Variants in ELL observed in about 807,000 individuals in gnomAD.
The protein encoded by ELL is RNA polymerase II elongation factor ELL.
A neutral mutation model predicts 64.0 loss-of-function variants in ELL; 18 were observed. That is an observed-to-expected ratio of 0.28 (90% confidence interval 0.19 to 0.42). The LOEUF (loss-of-function observed/expected upper bound fraction) is 0.42, where lower values mean the gene tolerates loss of function less well. Ranked by LOEUF, ELL falls within the 10% of genes least tolerant of loss-of-function variation. The pLI, the probability that ELL is intolerant of heterozygous loss-of-function variation, is 1.00. For missense variants in ELL, 797 were observed against 870.4 expected (o/e 0.92, Z 1.06); for synonymous variants, 399 against 376.2 (o/e 1.06, Z -0.70).
intron 1 of ELL, among the ~76,000 whole-genome samples, chr19:18,507,926 T>G (rs1975920775): frequency 6.6e-6 from 1 of 152,114 alleles, no homozygotes; most frequent in African/African-American, 2.4e-5. Context: ...TGAGGCTGAC[T>G]CCATGCGGCA....
chr19:18,518,345 T>A (rs1226781650), intron 1 of ELL, among the ~76,000 whole-genome samples: 1 of 147,214 alleles, frequency 6.8e-6, no homozygotes, highest in South Asian at 2.2e-4. Flanking sequence ...ACAAAAAAAT[T>A]TAAAACTTAG....
chr19:18,518,047 C>T (rs1295265658), intron 1 of ELL, among the ~76,000 whole-genome samples: 2 of 151,518 alleles, frequency 1.3e-5, no homozygotes, highest in Non-Finnish European at 2.9e-5. Flanking sequence ...ATGGTAAAAC[C>T]CCGTCTCCAC....
chr19:18,500,900 T>G (rs966185254), intron 1 of ELL, among the ~76,000 whole-genome samples: 1 of 152,096 alleles, frequency 6.6e-6, no homozygotes, highest in African/African-American at 2.4e-5. Flanking sequence ...ACCAGCCAAT[T>G]TGCACACAGA....
intron 1 of ELL, among the ~76,000 whole-genome samples, chr19:18,504,675 A>T (rs2144968552): frequency 6.6e-6 from 1 of 152,350 alleles, no homozygotes; most frequent in East Asian, 1.9e-4. Context: ...GCTCGACTTT[A>T]AATAAACAGA....
chr19:18,468,247 C>CAA (rs1461398835), intron 2 of ELL, among the ~76,000 whole-genome samples: 1 of 147,398 alleles, frequency 6.8e-6, no homozygotes, highest in Non-Finnish European at 1.5e-5. Flanking sequence ...CACACACAAA[C>CAA]ACAATCCATA....
chr19:18,476,292 C>T (rs1171040086), intron 1 of ELL, among the ~76,000 whole-genome samples: 1 of 152,238 alleles, frequency 6.6e-6, no homozygotes. Flanking sequence ...CCATGCGAGG[C>T]CTCTGCATGT....
chr19:18,479,646 T>C (rs1286252669), intron 1 of ELL, among the ~76,000 whole-genome samples: 4 of 142,170 alleles, frequency 2.8e-5, no homozygotes, highest in African/African-American at 1.1e-4. Flanking sequence ...TAGGCGGAGG[T>C]TGCAGTGAGC....
At chr19:18,515,546 G>A (rs1345841115) in intron 1 of ELL, among the ~76,000 whole-genome samples, 2 of 152,258 alleles carry the variant, frequency 1.3e-5, no homozygotes, top group East Asian at 3.8e-4. Flanking sequence ...GGGGAAGATG[G>A]GATGAAATGC....
intron 6 of ELL, among the ~76,000 whole-genome samples, chr19:18,457,040 T>C (rs575777185): frequency 9.6e-4 from 146 of 151,742 alleles, no homozygotes; most frequent in African/African-American, 3.2e-3. Context: ...ACATCAACCC[T>C]GCCCCCTGCA....
chr19:18,463,323 ATCTT>A (rs1263169360), intron 4 of ELL, among the ~76,000 whole-genome samples: 1 of 125,090 alleles, frequency 8.0e-6, no homozygotes, highest in African/African-American at 3.2e-5. Context: ...GCACATTCAC[ATCTT>A]TTTTTTTTTT....
In ELL at chr19:18,446,396, C is replaced by G. The variant is rs753770439; in HGVS notation, c.1617G>C (p.Leu539=). The G allele has an allele frequency of 6.2e-7, 1 of 1,611,942 alleles. No individual in the cohort carries two copies. The highest frequency in any genetic ancestry group is 8.5e-7 in the Non-Finnish European group (1 of 1,179,728). Residue 539 remains leucine, a synonymous_variant, in exon 10 of 12, where the codon CTG becomes CTC. Coordinates refer to ENST00000262809, the MANE Select transcript of ELL (RefSeq NM_006532.4). ...FNAEYSEYRD[L]HARIERITRR... ...GCGTGATGCGCTCAATGCGGGCGTG[C>G]AGGTCGCGGTACTCGCTGTACTCGG...
rs1266026227 is a variant in ELL at position 18,444,130 on chromosome 19, CCT to C, written c.*620_*621del. ...TTCTCAAAATAGCCACCTGGGCCAC[CCT>C]GTTTGCTTGCTGGAGCAGAGACCCT... On this transcript the variant is annotated 3_prime_UTR_variant, in exon 12 of 12. Transcript: ENST00000262809. 1.3e-5 allele frequency: 3 copies of C among 230,692 alleles called. No homozygotes were observed. In the East Asian group the frequency reaches 1.8e-4, roughly 14 times the overall value. The allele number at this position is 230,692 out of a possible 1,614,324, so 14.3% of individuals were successfully genotyped here.
chr19:18,490,851 C>A (rs1272514016), intron 1 of ELL, among the ~76,000 whole-genome samples: 1 of 152,140 alleles, frequency 6.6e-6, no homozygotes, highest in African/African-American at 2.4e-5. Context: ...GCCATAAAAC[C>A]CTGGTTCTAT....
chr19:18,493,636 G>A (rs1375466454), intron 1 of ELL, among the ~76,000 whole-genome samples: 2 of 152,238 alleles, frequency 1.3e-5, no homozygotes, highest in East Asian at 1.9e-4. Context: ...CTCCACAGAC[G>A]CCTGGAAGGG....
intron 1 of ELL, among the ~76,000 whole-genome samples, chr19:18,473,997 G>C (rs1275402288): frequency 6.6e-6 from 1 of 152,232 alleles, no homozygotes; most frequent in Non-Finnish European, 1.5e-5. Context: ...GTCTGGAGAG[G>C]CCTGTCGGAA....
At chr19:18,513,918 G>A (rs1309099259) in intron 1 of ELL, among the ~76,000 whole-genome samples, 1 of 152,096 alleles carries the variant, frequency 6.6e-6, no homozygotes, top group Non-Finnish European at 1.5e-5. Context: ...GCGACAGAGC[G>A]AGACTCCATC....
intron 5 of ELL, among the ~76,000 whole-genome samples, chr19:18,460,844 G>T (rs1600443281): frequency 6.6e-6 from 1 of 152,268 alleles, no homozygotes; most frequent in South Asian, 2.1e-4. Context: ...GATCCGAGGA[G>T]ACCCATCCTC....
At chr19:18,454,840 C>CAAAAAAAAAAAAAAAAAAAAAAAAA (rs563546343) in intron 6 of ELL, among the ~76,000 whole-genome samples, 13 of 56,500 alleles carry the variant, frequency 2.3e-4, no homozygotes, top group Admixed American at 8.7e-4. Context: ...GACTCAGTCT[C>CAAAAAAAAAAAAAAAAAAAAAAAAA]AAAAAAAAAA....
At chr19:18,472,782 A>G in intron 2 of ELL, 53 bp downstream of exon 2, 1 of 1,569,726 alleles carries the variant, frequency 6.4e-7, no homozygotes, top group South Asian at 1.2e-5. Context: ...GACAGACCTG[A>G]GACTATACCA....
Sources: gnomAD v4.1 joint callset for allele counts (sites outside exome capture counted in the v4.1 genomes callset) on GRCh38, gnomAD v4.1.1 for gene constraint, MANE v1.5 for transcripts, NCBI Gene and HGNC (gene_info 2026-07-23, HGNC 2026-07-21) for gene names.